Variants in SAMTOR observed in about 807,000 individuals in gnomAD.
The protein encoded by SAMTOR is S-adenosylmethionine sensor upstream of mTORC1.
the SAMTOR span, among the ~76,000 whole-genome samples, chr7:112,868,781 GC>G: frequency 2.0e-5 from 3 of 152,142 alleles, no homozygotes; most frequent in Non-Finnish European, 1.5e-5. Context: ...TGTGGAGAGT[GC>G]CCCAGCAGTA....
At chr7:112,889,916 A>G in the SAMTOR span, among the ~76,000 whole-genome samples, 1 of 152,192 alleles carries the variant, frequency 6.6e-6, no homozygotes, top group African/African-American at 2.4e-5. Flanking sequence ...GCAAAGGGTA[A>G]AAAACCTACA....
the SAMTOR span, among the ~76,000 whole-genome samples, chr7:112,929,604 C>A: frequency 3.9e-5 from 6 of 151,970 alleles, no homozygotes; most frequent in Non-Finnish European, 7.4e-5. Flanking sequence ...GAAATGAAAT[C>A]AGTATGTCAA....
the SAMTOR span, among the ~76,000 whole-genome samples, chr7:112,923,269 C>A: frequency 0.071 from 10,727 of 151,928 alleles, 434 homozygotes; most frequent in South Asian, 0.13. Context: ...TAAACAGATG[C>A]TTGAAGGCAG....
the SAMTOR span, chr7:112,820,042 T>A: frequency 8.5e-5 from 13 of 152,572 alleles, no homozygotes; most frequent in East Asian, 2.5e-3. Context: ...TATTAAAGAA[T>A]CTTATGCTGT....
At chr7:112,865,043 C>CA in the SAMTOR span, among the ~76,000 whole-genome samples, 3 of 152,312 alleles carry the variant, frequency 2.0e-5, no homozygotes, top group South Asian at 6.2e-4. Flanking sequence ...TGTGAGCCAC[C>CA]AGCCCTGGCC....
At chr7:112,922,709 C>T in the SAMTOR span, among the ~76,000 whole-genome samples, 1 of 151,460 alleles carries the variant, frequency 6.6e-6, no homozygotes, top group Non-Finnish European at 1.5e-5. Flanking sequence ...GTGAGGAGCC[C>T]CTCCGCCCGG....
chr7:112,849,359 A>C, the SAMTOR span, among the ~76,000 whole-genome samples: 1 of 152,306 alleles, frequency 6.6e-6, no homozygotes, highest in Admixed American at 6.5e-5. Flanking sequence ...GATAATCAAC[A>C]GAGCTCTCTC....
chr7:112,828,515 GC>G, the SAMTOR span, among the ~76,000 whole-genome samples: 2 of 152,086 alleles, frequency 1.3e-5, no homozygotes, highest in Non-Finnish European at 2.9e-5. Flanking sequence ...TGGACTAGGG[GC>G]CACTGTAATC....
At chr7:112,913,669 G>C in the SAMTOR span, among the ~76,000 whole-genome samples, 4 of 152,112 alleles carry the variant, frequency 2.6e-5, no homozygotes, top group African/African-American at 9.7e-5. Flanking sequence ...GCTGTTCATT[G>C]CCTTATTTTC....
At chr7:112,867,674 G>A in the SAMTOR span, among the ~76,000 whole-genome samples, 1 of 151,966 alleles carries the variant, frequency 6.6e-6, no homozygotes, top group South Asian at 2.1e-4. Flanking sequence ...CATAAAACAT[G>A]GAATAATATT....
chr7:112,841,249 C>T, the SAMTOR span, among the ~76,000 whole-genome samples: 2 of 152,084 alleles, frequency 1.3e-5, no homozygotes, highest in African/African-American at 4.8e-5. Context: ...GATACAAAAT[C>T]AATGGGCAAA....
chr7:112,884,303 C>T, the SAMTOR span, among the ~76,000 whole-genome samples: 8 of 152,122 alleles, frequency 5.3e-5, no homozygotes, highest in Non-Finnish European at 1.0e-4. Flanking sequence ...CATTTCAAGA[C>T]ACCATCATGC....
chr7:112,923,753 T>C, the SAMTOR span, among the ~76,000 whole-genome samples: 7 of 152,030 alleles, frequency 4.6e-5, no homozygotes, highest in African/African-American at 9.7e-5. Flanking sequence ...CGTATGTTTA[T>C]TGCGGCACTA....
At chr7:112,907,125 A>G in the SAMTOR span, among the ~76,000 whole-genome samples, 1 of 152,182 alleles carries the variant, frequency 6.6e-6, no homozygotes, top group Non-Finnish European at 1.5e-5. Context: ...AAATAGTGAT[A>G]GTAGGCATGG....
chr7:112,906,093 T>C, the SAMTOR span, among the ~76,000 whole-genome samples: 1 of 152,156 alleles, frequency 6.6e-6, no homozygotes, highest in Non-Finnish European at 1.5e-5. Context: ...CAATATCCTG[T>C]TAGAATATAG....
chr7:112,929,060 A>T, the SAMTOR span, among the ~76,000 whole-genome samples: 246 of 152,128 alleles, frequency 1.6e-3, 2 homozygotes, highest in Non-Finnish European at 1.5e-3. Context: ...ATGTGTATAA[A>T]AATAATATTT....
the SAMTOR span, among the ~76,000 whole-genome samples, chr7:112,937,923 C>T: frequency 5.3e-4 from 80 of 151,670 alleles, no homozygotes; most frequent in African/African-American, 1.7e-3. Context: ...TGAAGAGATG[C>T]CACATTAGTG....
chr7:112,879,005 C>T, the SAMTOR span, among the ~76,000 whole-genome samples: 132 of 151,692 alleles, frequency 8.7e-4, no homozygotes, highest in Non-Finnish European at 1.3e-3. Flanking sequence ...AGTAAAACAG[C>T]GGAAGGGGTC....
chr7:112,930,742 T>C, the SAMTOR span, among the ~76,000 whole-genome samples: 9 of 152,328 alleles, frequency 5.9e-5, no homozygotes, highest in South Asian at 1.7e-3. Context: ...TTGTTTTAAG[T>C]GCTTTTCAAA....
Sources: allele counts gnomAD v4.1 joint callset (sites outside exome capture counted in the v4.1 genomes callset), GRCh38; gene constraint gnomAD v4.1.1; transcripts MANE v1.5; gene names NCBI Gene and HGNC (gene_info 2026-07-23, HGNC 2026-07-21).